Variants in ACSS3 observed in about 807,000 individuals in gnomAD.
The protein encoded by ACSS3 is acyl-CoA synthetase short-chain family member 3, mitochondrial.
ACSS3 carries 64 observed loss-of-function variants against 84.2 expected under a neutral mutation model. The ratio of observed to expected loss-of-function variants is 0.76; its 90% confidence interval spans 0.62 to 0.94. ACSS3 has a LOEUF of 0.94. ACSS3 is among the 40% of genes least tolerant of loss of function. The pLI is 0.00. For synonymous variants in ACSS3, 317 were observed against 310.1 expected, an observed-to-expected ratio of 1.02 and a Z score of -0.23; for missense variants, 815 against 867.6, an observed-to-expected ratio of 0.94 and a Z score of 0.76.
At chr12:81,128,456 G>T (rs1055583915) in intron 2 of ACSS3, among the ~76,000 whole-genome samples, 1 of 152,044 alleles carries the variant, frequency 6.6e-6, no homozygotes, top group Admixed American at 6.6e-5. Context: ...TCACACATTG[G>T]TAGCATAGTA....
At chr12:81,124,997 G>A (rs934182368) in intron 2 of ACSS3, among the ~76,000 whole-genome samples, 3 of 152,152 alleles carry the variant, frequency 2.0e-5, no homozygotes, top group Non-Finnish European at 4.4e-5. Context: ...GGCAGATCAC[G>A]AGGTCAGGAG....
intron 8 of ACSS3, among the ~76,000 whole-genome samples, chr12:81,194,575 G>T (rs1270806946): frequency 6.6e-6 from 1 of 151,902 alleles, no homozygotes; most frequent in Non-Finnish European, 1.5e-5. Context: ...CTGACTTTCA[G>T]AGATGAAACC....
intron 7 of ACSS3, among the ~76,000 whole-genome samples, chr12:81,155,473 T>G (rs1220647846): frequency 6.6e-6 from 1 of 152,144 alleles, no homozygotes; most frequent in Non-Finnish European, 1.5e-5. Context: ...ATGAACTGAG[T>G]TCTGTATCTC....
chr12:81,238,485 C>A (rs1052451190), intron 13 of ACSS3, among the ~76,000 whole-genome samples: 1 of 151,736 alleles, frequency 6.6e-6, no homozygotes, highest in Non-Finnish European at 1.5e-5. Flanking sequence ...CACCAACGAA[C>A]CTATCTTCAC....
chr12:81,205,822 G>C (rs1045427713), intron 9 of ACSS3, among the ~76,000 whole-genome samples: 2 of 152,038 alleles, frequency 1.3e-5, no homozygotes, highest in Non-Finnish European at 2.9e-5. Flanking sequence ...AGAACATTAT[G>C]CCTCTTGTTA....
intron 13 of ACSS3, among the ~76,000 whole-genome samples, chr12:81,236,152 GTGTTA>G (rs2033623360): frequency 6.6e-6 from 1 of 151,166 alleles, no homozygotes; most frequent in Non-Finnish European, 1.5e-5. Context: ...ATTTGCTGAA[GTGTTA>G]TTTTTAATTA....
chr12:81,125,547 C>T (rs1885030435), intron 2 of ACSS3: 1 of 152,368 alleles, frequency 6.6e-6, no homozygotes, highest in African/African-American at 2.4e-5. Context: ...TTCTAATTAT[C>T]CTTCTTAAAT....
intron 13 of ACSS3, among the ~76,000 whole-genome samples, chr12:81,239,559 G>A (rs2033727309): frequency 6.6e-6 from 1 of 151,900 alleles, no homozygotes; most frequent in Admixed American, 6.6e-5. Flanking sequence ...AGAATGAAGA[G>A]CAAAGTCATG....
chr12:81,139,633 A>AT (rs1187134321), intron 4 of ACSS3, among the ~76,000 whole-genome samples: 103 of 141,872 alleles, frequency 7.3e-4, no homozygotes, highest in East Asian at 6.8e-3. Context: ...AATAATAATA[A>AT]TAATTATTGT....
chr12:81,101,834 A>G (rs1047558473), intron 1 of ACSS3, among the ~76,000 whole-genome samples: 48 of 150,702 alleles, frequency 3.2e-4, no homozygotes, highest in African/African-American at 1.0e-3. Context: ...AAGGTTGAGC[A>G]TCTTTTTTTT....
chr12:81,250,624 T>C (rs917435669), intron 13 of ACSS3, among the ~76,000 whole-genome samples: 2 of 152,046 alleles, frequency 1.3e-5, no homozygotes, highest in African/African-American at 4.8e-5. Context: ...TAGTTAAAAC[T>C]CTAGTCATAT....
rs2035063295 is a variant in ACSS3, at chr12:81,260,505, C to A, written c.*5583C>A. 1 of 151,996 alleles carries A rather than the reference C, an allele frequency of 6.6e-6. No homozygotes were observed. The highest frequency in any genetic ancestry group is 2.4e-5 in the African/African-American group (1 of 41,410). 9.4% of individuals were successfully genotyped at this position (151,996 alleles called of 1,614,324 possible). ...CTAATATAAACAGTATTTTGGGAGA[C>A]CTCTTATTTAGCCAAATTATTATAT... On this transcript the variant is annotated 3_prime_UTR_variant, in exon 16 of 16. Coordinates refer to ENST00000548058, the MANE Select transcript of ACSS3 (RefSeq NM_024560.4).
At chr12:81,242,849 G>T (rs996161535) in intron 13 of ACSS3, among the ~76,000 whole-genome samples, 12 of 151,822 alleles carry the variant, frequency 7.9e-5, no homozygotes, top group Non-Finnish European at 1.6e-4. Context: ...GATATTGATG[G>T]GATGTATCTC....
chr12:81,084,981 A>G (rs1203831818), intron 1 of ACSS3, among the ~76,000 whole-genome samples: 1 of 152,176 alleles, frequency 6.6e-6, no homozygotes, highest in East Asian at 1.9e-4. Flanking sequence ...AAACAGGATA[A>G]TATATGGCAG....
chr12:81,115,147 A>G (rs904463529), intron 2 of ACSS3, among the ~76,000 whole-genome samples: 2 of 152,102 alleles, frequency 1.3e-5, no homozygotes, highest in Non-Finnish European at 2.9e-5. Context: ...TTTGTACACA[A>G]ATTTTGTTGA....
chr12:81,114,831 T>G (rs1216764999), intron 2 of ACSS3, among the ~76,000 whole-genome samples: 5 of 152,114 alleles, frequency 3.3e-5, no homozygotes, highest in African/African-American at 1.2e-4. Context: ...TTTGTTAGAT[T>G]TTCACAAACA....
intron 2 of ACSS3, among the ~76,000 whole-genome samples, chr12:81,134,137 T>C (rs1365492278): frequency 2.0e-5 from 3 of 151,784 alleles, no homozygotes; most frequent in African/African-American, 4.8e-5. Context: ...GTATAATAAT[T>C]AGTGTAAAAA....
chr12:81,161,241 A>G (rs1192032173), intron 7 of ACSS3, among the ~76,000 whole-genome samples: 2 of 152,222 alleles, frequency 1.3e-5, no homozygotes, highest in African/African-American at 2.4e-5. Flanking sequence ...TCTCAGCACC[A>G]AGAAAAAAGA....
At chr12:81,168,931 G>A (rs971723317) in intron 7 of ACSS3, among the ~76,000 whole-genome samples, 1 of 152,182 alleles carries the variant, frequency 6.6e-6, no homozygotes, top group Admixed American at 6.5e-5. Flanking sequence ...GTCTATCGAA[G>A]GACCATGTAT....
Sources: allele counts gnomAD v4.1 joint callset (sites outside exome capture counted in the v4.1 genomes callset), GRCh38; gene constraint gnomAD v4.1.1; transcripts MANE v1.5; gene names NCBI Gene and HGNC (gene_info 2026-07-23, HGNC 2026-07-21).